The following EYA2 variants were observed in gnomAD, a reference collection of about 807,000 sequenced individuals.
The protein encoded by EYA2 is EYA transcriptional coactivator and phosphatase 2, also known as protein phosphatase EYA2.
A neutral mutation model predicts 69.2 loss-of-function variants in EYA2; 31 were observed. The observed-to-expected ratio is 0.45, with a 90% confidence interval of 0.34 to 0.60. EYA2 has a LOEUF of 0.60. Ranked by LOEUF, EYA2 falls within the 20% of genes least tolerant of loss-of-function variation. The pLI, the probability that EYA2 is intolerant of heterozygous loss-of-function variation, is 0.02. For missense variants in EYA2, 622 were observed against 701.2 expected, an observed-to-expected ratio of 0.89 and a Z score of 1.28; for synonymous variants, 257 against 279.4, an observed-to-expected ratio of 0.92 and a Z score of 0.80.
At chr20:47,155,499 C>G (rs2033905195) in intron 10 of EYA2, among the ~76,000 whole-genome samples, 1 of 151,932 alleles carries the variant, frequency 6.6e-6, no homozygotes, top group African/African-American at 2.4e-5. Context: ...ATTCATTAAC[C>G]CTTACAACAA....
At chr20:47,066,682 G>A (rs543683169) in intron 5 of EYA2, among the ~76,000 whole-genome samples, 4 of 152,312 alleles carry the variant, frequency 2.6e-5, no homozygotes, top group South Asian at 4.1e-4. Context: ...TAGCCATAGG[G>A]AATCTGGGAA....
chr20:47,056,135 T>A (rs1285741765), intron 5 of EYA2, among the ~76,000 whole-genome samples: 1 of 152,182 alleles, frequency 6.6e-6, no homozygotes, highest in Non-Finnish European at 1.5e-5. Context: ...TAGCAACTGA[T>A]TTGATTAAAC....
intron 10 of EYA2, among the ~76,000 whole-genome samples, chr20:47,157,264 CA>C (rs1263210917): frequency 2.9e-5 from 4 of 137,998 alleles, no homozygotes; most frequent in Admixed American, 1.6e-4. Context: ...TGAGGCAGAA[CA>C]ATCACTTGAA....
At position 46,909,889 on chromosome 20, in the gene EYA2, T is replaced by C. The variant is rs539987425; in HGVS notation, c.-11+14902T>C. ...TTTTTCCAGGCACGATGTTATACTC[T>C]TTGTGTGCATGTTTTACTTTTCTCC... On this transcript the variant is annotated intron_variant, in intron 1 of 15. Coordinates refer to ENST00000327619, the MANE Select transcript of EYA2 (RefSeq NM_005244.5). 5.3e-5 allele frequency among the ~76,000 whole-genome samples: 8 copies of C among 152,222 alleles called. No homozygotes were observed. In the East Asian group the frequency reaches 1.5e-3, roughly 29 times the overall value.
intron 11 of EYA2, among the ~76,000 whole-genome samples, chr20:47,171,074 G>A (rs3787240): frequency 0.018 from 2,717 of 152,306 alleles, 116 homozygotes; most frequent in East Asian, 0.17. Context: ...ACCTGATGGA[G>A]TAAATAAACC....
chr20:46,925,204 C>G (rs1985361917), intron 1 of EYA2, among the ~76,000 whole-genome samples: 1 of 152,220 alleles, frequency 6.6e-6, no homozygotes, highest in Admixed American at 6.5e-5. Context: ...ATCACATCCA[C>G]AATGACCCTA....
intron 12 of EYA2, among the ~76,000 whole-genome samples, chr20:47,176,515 C>G (rs1404226610): frequency 6.6e-6 from 1 of 152,166 alleles, no homozygotes; most frequent in East Asian, 1.9e-4. Flanking sequence ...TCAGGAAGGG[C>G]TATTTGAACT....
intron 9 of EYA2, among the ~76,000 whole-genome samples, chr20:47,125,841 T>A (rs1253328691): frequency 6.6e-6 from 1 of 152,156 alleles, no homozygotes; most frequent in Non-Finnish European, 1.5e-5. Flanking sequence ...CCAGTTGGCT[T>A]GGATAGTGTG....
At position 47,171,589 on chromosome 20, in the gene EYA2, T is replaced by G. The variant is rs75977139; in HGVS notation, c.1038-1118T>G. Among the ~76,000 whole-genome samples the G allele has an allele frequency of 5.6e-3, 858 of 152,162 alleles. 8 individuals carry two copies. The highest frequency in any genetic ancestry group is 0.019 in the African/African-American group (782 of 41,516). ...CTGGGGAATGTGAGGCATAGAGAGATTGAGCAATTGGCCCAAACTCACATG... is the reference window on the plus strand; with the variant it reads ...CTGGGGAATGTGAGGCATAGAGAGAGTGAGCAATTGGCCCAAACTCACATG... On this transcript the variant is annotated intron_variant, in intron 11 of 15. Transcript: ENST00000327619.
chr20:47,074,747 A>C (rs1262830660), intron 7 of EYA2, among the ~76,000 whole-genome samples: 2 of 152,160 alleles, frequency 1.3e-5, no homozygotes, highest in Non-Finnish European at 2.9e-5. Flanking sequence ...TTCCACATCT[A>C]GCTAGCTTAC....
chr20:46,935,409 C>G (rs753034973), intron 1 of EYA2, among the ~76,000 whole-genome samples: 1 of 152,150 alleles, frequency 6.6e-6, no homozygotes, highest in South Asian at 2.1e-4. Context: ...GTTGTCATGA[C>G]GATTAAATGG....
chr20:47,058,915 G>A (rs1334052785), intron 5 of EYA2, among the ~76,000 whole-genome samples: 2 of 152,136 alleles, frequency 1.3e-5, no homozygotes, highest in Non-Finnish European at 2.9e-5. Context: ...CTTAATGCTG[G>A]GAGAAAACAG....
intron 1 of EYA2, among the ~76,000 whole-genome samples, chr20:46,932,822 G>C (rs1172324020): frequency 6.6e-6 from 1 of 152,104 alleles, no homozygotes; most frequent in African/African-American, 2.4e-5. Context: ...GGAGGCAGAG[G>C]TTGCAGTGAG....
rs540991907 is a variant in EYA2 at position 46,918,413 on chromosome 20, A to G, written c.-11+23426A>G. 1.6e-3 allele frequency among the ~76,000 whole-genome samples: 246 copies of G among 150,912 alleles called. 3 individuals carry two copies. The highest frequency in any genetic ancestry group is 5.5e-3 in the African/African-American group (225 of 41,278). ...AACCTCTACCTCTGGGGCTCAAGCA[A>G]TTCTCATGCCTCAGCCTCCCGAGTA... On this transcript the variant is annotated intron_variant, in intron 1 of 15. Transcript: ENST00000327619.
intron 1 of EYA2, among the ~76,000 whole-genome samples, chr20:46,968,491 G>A (rs1032871901): frequency 2.0e-5 from 3 of 152,090 alleles, no homozygotes; most frequent in Non-Finnish European, 2.9e-5. Flanking sequence ...TCTTTTAACC[G>A]TCACCCTATA....
intron 10 of EYA2, among the ~76,000 whole-genome samples, chr20:47,146,340 T>C (rs1262123395): frequency 1.3e-5 from 2 of 152,110 alleles, no homozygotes; most frequent in African/African-American, 2.4e-5. Context: ...AACCTGCGAC[T>C]CAAAGCCAGG....
At chr20:47,182,576 C>T (rs924697058) in intron 14 of EYA2, among the ~76,000 whole-genome samples, 6 of 139,674 alleles carry the variant, frequency 4.3e-5, no homozygotes, top group African/African-American at 1.7e-4. Flanking sequence ...TTGCAGTGAG[C>T]CGAGACCAGG....
At chr20:46,921,638 G>A (rs1985183250) in intron 1 of EYA2, among the ~76,000 whole-genome samples, 1 of 152,144 alleles carries the variant, frequency 6.6e-6, no homozygotes, top group African/African-American at 2.4e-5. Flanking sequence ...GAGGAATGAT[G>A]CCCTCTTTTC....
chr20:47,098,075 G>A (rs1271071368), intron 9 of EYA2, among the ~76,000 whole-genome samples: 1 of 152,166 alleles, frequency 6.6e-6, no homozygotes, highest in Non-Finnish European at 1.5e-5. Context: ...TTTTATGGGG[G>A]TTATAACAAG....
Sources: allele counts gnomAD v4.1 joint callset (sites outside exome capture counted in the v4.1 genomes callset), GRCh38; gene constraint gnomAD v4.1.1; transcripts MANE v1.5; gene names NCBI Gene and HGNC (gene_info 2026-07-23, HGNC 2026-07-21).